MAP1S: variants seen among roughly 807,000 people sequenced by gnomAD.
MAP1S encodes the protein microtubule-associated protein 1S.
MAP1S carries 27 observed loss-of-function variants against 60.9 expected under a neutral mutation model. The observed-to-expected ratio is 0.44, with a 90% confidence interval of 0.33 to 0.61. The LOEUF (loss-of-function observed/expected upper bound fraction) is 0.61, where lower values mean the gene tolerates loss of function less well. MAP1S is among the 20% of genes least tolerant of loss of function. The probability of loss-of-function intolerance (pLI) is 0.03; values close to 1 mark genes in which losing one functional copy is unlikely to be tolerated. For synonymous variants in MAP1S, 826 were observed against 694.2 expected, an observed-to-expected ratio of 1.19 and a Z score of -2.98; for missense variants, 1,608 against 1,486.6, an observed-to-expected ratio of 1.08 and a Z score of -1.34.
rs2080395876 is a variant in MAP1S at position 17,724,133 on chromosome 19, G to A, written c.228G>A (p.Arg76=). The change falls in exon 3 of 7, where the codon CGG becomes CGA. Residue 76 remains arginine, a synonymous_variant. Coordinates refer to ENST00000324096, the MANE Select transcript of MAP1S (RefSeq NM_018174.6). Reference sequence around the variant, plus strand: ...GGCCTGATTCCCCCACAGGCCAGCGGAGCCTGCACCACCGTGGAGACAACC... The same window carrying A: ...GGCCTGATTCCCCCACAGGCCAGCGAAGCCTGCACCACCGTGGAGACAACC... ...ATFSSIVKGQ[R]SLHHRGDNLE... is the part of the protein sequence containing the mutation. 6.2e-7 allele frequency: 1 copy of A among 1,613,816 alleles called. No homozygotes were observed.
In MAP1S at chr19:17,725,013, C is replaced by T. The variant is rs752709529; in HGVS notation, c.304-36C>T. On this transcript the variant is annotated intron_variant, in intron 3 of 6. Coordinates refer to ENST00000324096, the MANE Select transcript of MAP1S (RefSeq NM_018174.6). This position sits in a 1 kb window ranked among gnomAD's most constrained non-coding sequence, Gnocchi z 4.2. Reference sequence around the variant, plus strand: ...GAGGACTGCTGGATACGTCACTGCACAGAACGGGTCCTTTAGTGTTCACCC... The same window carrying T: ...GAGGACTGCTGGATACGTCACTGCATAGAACGGGTCCTTTAGTGTTCACCC... 5.0e-6 allele frequency: 8 copies of T among 1,614,040 alleles called. No homozygotes were observed. Among genetic ancestry groups the T allele is most frequent in the Non-Finnish European group, 5.9e-6 (7 of 1,179,966 alleles).
At chr19:17,734,221 A>G in intron 6 of MAP1S, 52 bp from the exon 7 acceptor site, 1 of 1,499,198 alleles carries the variant, frequency 6.7e-7, no homozygotes. Flanking sequence ...GGCAGGGGGC[A>G]CCCCCCTCAC....
intron 5 of MAP1S, among the ~76,000 whole-genome samples, chr19:17,728,527 G>T (rs2080464497): frequency 6.6e-6 from 1 of 151,702 alleles, no homozygotes; most frequent in Admixed American, 6.6e-5. Context: ...GGGATGACTG[G>T]CGTGAGCCAC....
chr19:17,725,749 G>A lies in MAP1S; in HGVS notation c.445-80G>A. The A allele has an allele frequency of 3.5e-6, 5 of 1,408,684 alleles. No homozygotes were observed. Among genetic ancestry groups the A allele is most frequent in the Non-Finnish European group, 4.8e-6 (5 of 1,033,674 alleles). The allele number at this position is 1,408,684 out of a possible 1,614,324, so 87.3% of individuals were successfully genotyped here. ...GAGCAGGCCCTGGGGGAAAGGATGA[G>A]GGTGTCCTCGCCCAGTTTTCCCACC... On this transcript the variant is annotated intron_variant, in intron 4 of 6. Coordinates refer to ENST00000324096, the MANE Select transcript of MAP1S (RefSeq NM_018174.6). The surrounding 1 kb of genome is among the most constrained non-coding windows in gnomAD (Gnocchi z 4.2).
intron 5 of MAP1S, among the ~76,000 whole-genome samples, chr19:17,731,589 A>ACATTGTT: frequency 6.6e-6 from 1 of 152,080 alleles, no homozygotes; most frequent in East Asian, 1.9e-4. Flanking sequence ...TCTCCTTTTC[A>ACATTGTT]CATTGTTCAT....
rs971356209 is a variant in MAP1S, at chr19:17,721,009, C to T, written c.192C>T (p.His64=). Residue 64 remains histidine (H), a synonymous_variant, in exon 2 of 7, where the codon CAC becomes CAT. Coordinates refer to ENST00000324096, the MANE Select transcript of MAP1S (RefSeq NM_018174.6). ...DEQLKVFVSR[H]SATFSSIVKG... ...AGCTCAAGGTCTTTGTGTCCCGACA[C>T]TCTGCCACCTTCTCCAGCATTGTGA... 2.5e-6 allele frequency: 4 copies of T among 1,614,016 alleles called. No individual in the cohort carries two copies. The highest frequency in any genetic ancestry group is 1.3e-5 in the African/African-American group (1 of 74,912).
At chr19:17,719,688 C>A in intron 1 of MAP1S, 68 bp downstream of exon 1, 1 of 864,232 alleles carries the variant, frequency 1.2e-6, no homozygotes, top group Non-Finnish European at 1.4e-6. Context: ...GGCCCGGGGC[C>A]GGCGGGGTGG....
rs1423710837 is a variant in MAP1S at position 17,727,989 on chromosome 19, C to T, written c.2605C>T (p.Pro869Ser). 1 of 1,610,940 alleles carries T rather than the reference C, an allele frequency of 6.2e-7. No homozygotes were observed. The highest frequency in any genetic ancestry group is 1.3e-5 in the African/African-American group (1 of 74,886). The change falls in exon 5 of 7, where the codon CCC becomes TCC. Residue 869 changes from proline to serine, a missense_variant. This residue lies in a region of MAP1S where 1,167 missense variants were observed against 961.4 expected (regional missense o/e 1.21). Coordinates refer to ENST00000324096, the MANE Select transcript of MAP1S (RefSeq NM_018174.6). The surrounding 1 kb of genome is among the most constrained non-coding windows in gnomAD (Gnocchi z 4.1). The part of the protein sequence containing the change: ...VSRTRKPLAR[P>S]NSRAAAPKAT... ...CCGCACCCGGAAGCCCCTGGCCCGC[C>T]CCAACTCACGCGCTGCCGCCCCCAA...
intron 6 of MAP1S, 41 bp downstream of exon 6, chr19:17,733,469 G>C: frequency 6.8e-7 from 1 of 1,475,024 alleles, no homozygotes; most frequent in Non-Finnish European, 9.1e-7. Context: ...AGTGTAGTTA[G>C]CACAGATGGG....
Position 17,727,862 on chromosome 19 carries a change from C to T in MAP1S, c.2478C>T (p.Asp826=), listed in dbSNP as rs761647735. ...TCCCTCGCCACGACCCTTTGCCTGA[C>T]CCCCTCAAGGTCCCCCCACCACTGC... is the stretch of plus-strand genomic sequence containing the variant. The part of the protein sequence containing the change: ...FGVPRHDPLP[D]PLKVPPPLPD... Residue 826 remains aspartate, a synonymous_variant, in exon 5 of 7, where the codon GAC becomes GAT. Coordinates refer to ENST00000324096, the MANE Select transcript of MAP1S (RefSeq NM_018174.6). This position sits in a 1 kb window ranked among gnomAD's most constrained non-coding sequence, Gnocchi z 4.1. The T allele has an allele frequency of 3.7e-6, 6 of 1,613,216 alleles. No individual in the cohort carries two copies. The highest frequency in any genetic ancestry group is 3.4e-6 in the Non-Finnish European group (4 of 1,179,704).
At position 17,727,727 on chromosome 19, in the gene MAP1S, G is replaced by T; in HGVS notation, c.2343G>T (p.Glu781Asp). 1 of 1,606,420 alleles carries T rather than the reference G, an allele frequency of 6.2e-7. No homozygotes were observed. ...GGGCAGGTGGGCTGGGGGCCGAGGA[G>T]ACGCCACCCACATCGGTCAGCGAGT... is the stretch of plus-strand genomic sequence containing the variant. ...QERAGGLGAE[E>D]TPPTSVSESL... Residue 781 changes from glutamate (E) to aspartate (D), a missense_variant, in exon 5 of 7, where the codon GAG becomes GAT. Glu to Asp is a conservative substitution (Grantham distance 45). Around this residue, in one of 4 missense-constraint regions of MAP1S, gnomAD observed 1,167 missense variants for 961.4 expected, o/e 1.21. Coordinates refer to ENST00000324096, the MANE Select transcript of MAP1S (RefSeq NM_018174.6). The surrounding 1 kb of genome is among the most constrained non-coding windows in gnomAD (Gnocchi z 4.1).
In MAP1S at chr19:17,720,402, G is replaced by GT. The variant is rs1249057658; in HGVS notation, c.119-534_119-533insT. On this transcript the variant is annotated intron_variant, in intron 1 of 6. Coordinates refer to ENST00000324096, the MANE Select transcript of MAP1S (RefSeq NM_018174.6). Reference sequence around the variant, plus strand: ...GTGGACACAGGGATATGGCCGGGATGATAGACAGGTTCAGCCCTGCCAACA... The same window carrying GT: ...GTGGACACAGGGATATGGCCGGGATGTATAGACAGGTTCAGCCCTGCCAACA... The GT allele has an allele frequency of 2.0e-6, 3 of 1,535,158 alleles. No individual in the cohort carries two copies. In the African/African-American group the frequency reaches 4.1e-5, roughly 21 times the overall value.
chr19:17,722,219 A>G (rs1312690824), intron 2 of MAP1S, among the ~76,000 whole-genome samples: 2 of 83,606 alleles, frequency 2.4e-5, no homozygotes, highest in Admixed American at 1.1e-4. Context: ...TGGGAGGTCA[A>G]AGTGGGAGGA....
chr19:17,727,306 C>A lies in MAP1S; in HGVS notation c.1922C>A (p.Pro641His). The change falls in exon 5 of 7, where the codon CCT becomes CAT. Residue 641 changes from proline to histidine, a missense_variant. By Grantham distance (77) the Pro-to-His change is moderately conservative. Coordinates refer to ENST00000324096, the MANE Select transcript of MAP1S (RefSeq NM_018174.6). The surrounding 1 kb of genome is among the most constrained non-coding windows in gnomAD (Gnocchi z 4.1). ...SSIPRPRTPS[P>H]ESHRSPAEGS... ...ATCCCAAGGCCACGCACACCCTCCC[C>A]TGAGTCCCACCGGAGCCCCGCAGAG... 1 of 1,591,698 alleles carries A rather than the reference C, an allele frequency of 6.3e-7. No homozygotes were observed. The highest frequency in any genetic ancestry group is 2.3e-5 in the East Asian group (1 of 43,914).
rs992926163 is a variant in MAP1S, at chr19:17,719,632, C to T, written c.118+12C>T. 1.1e-5 allele frequency: 14 copies of T among 1,230,070 alleles called. No individual in the cohort carries two copies. The highest frequency in any genetic ancestry group is 1.4e-5 in the Non-Finnish European group (14 of 976,558). 76.2% of individuals were successfully genotyped at this position (1,230,070 alleles called of 1,614,324 possible). On this transcript the variant is annotated intron_variant, in intron 1 of 6. Transcript: ENST00000324096. ...GGAGCTCGAAAGAGGTCGGGCTGGCCTGGGGGCCCGCGGGAGCCCGGGAGG... is the reference window on the plus strand; with the variant it reads ...GGAGCTCGAAAGAGGTCGGGCTGGCTTGGGGGCCCGCGGGAGCCCGGGAGG...
At chr19:17,723,615 CCGAGGCAGGCGGATCA>C (rs1886672127) in intron 2 of MAP1S, among the ~76,000 whole-genome samples, 1 of 152,246 alleles carries the variant, frequency 6.6e-6, no homozygotes, top group South Asian at 2.1e-4. Context: ...CTTTGGGAGG[CCGAGGCAGGCGGATCA>C]CGAGGTCAGG....
chr19:17,721,239 C>T, intron 2 of MAP1S: 1 of 588,512 alleles, frequency 1.7e-6, no homozygotes, highest in Non-Finnish European at 3.1e-6. Context: ...TGTTTTTGTC[C>T]CTGATTGACA....
In MAP1S at chr19:17,727,077, G is replaced by T. The variant is rs1200278504; in HGVS notation, c.1693G>T (p.Ala565Ser). The T allele has an allele frequency of 1.2e-6, 2 of 1,606,446 alleles. No individual in the cohort carries two copies. Among genetic ancestry groups the T allele is most frequent in the Non-Finnish European group, 1.7e-6 (2 of 1,177,886 alleles). ...NAQAAPKPRKAPSTSHSGFPP... is the reference protein window; with the variant it reads ...NAQAAPKPRKSPSTSHSGFPP... ...CCAGGCGGCACCCAAGCCCCGCAAA[G>T]CGCCCAGCACGTCCCACTCTGGCTT... Residue 565 changes from alanine (A) to serine (S), a missense_variant, in exon 5 of 7, where the codon GCG becomes TCG. This residue lies in a region of MAP1S where 1,167 missense variants were observed against 961.4 expected (regional missense o/e 1.21). Coordinates refer to ENST00000324096, the MANE Select transcript of MAP1S (RefSeq NM_018174.6). The surrounding 1 kb of genome is among the most constrained non-coding windows in gnomAD (Gnocchi z 4.1).
rs2080352813 is a variant in MAP1S, at chr19:17,719,656, G to A, written c.118+36G>A. Reference sequence around the variant, plus strand: ...CCTGGGGGCCCGCGGGAGCCCGGGAGGCGGGCCCGTTCGCGCGTCTGGGCC... The same window carrying A: ...CCTGGGGGCCCGCGGGAGCCCGGGAAGCGGGCCCGTTCGCGCGTCTGGGCC... On this transcript the variant is annotated intron_variant, in intron 1 of 6. Coordinates refer to ENST00000324096, the MANE Select transcript of MAP1S (RefSeq NM_018174.6). The A allele has an allele frequency of 2.6e-6, 3 of 1,160,892 alleles. No homozygotes were observed. In the East Asian group the frequency reaches 1.1e-4, roughly 42 times the overall value. The allele number at this position is 1,160,892 out of a possible 1,614,324, so 71.9% of individuals were successfully genotyped here. A position where few individuals can be genotyped will look rare whatever the true frequency, so the allele number is the denominator to read the frequency against.
Sources: allele counts gnomAD v4.1 joint callset (sites outside exome capture counted in the v4.1 genomes callset), GRCh38; gene constraint gnomAD v4.1.1; regional missense constraint gnomAD v4.1.1; non-coding constraint Gnocchi (gnomAD v3.1); transcripts MANE v1.5; gene names NCBI Gene and HGNC (gene_info 2026-07-23, HGNC 2026-07-21).